Variants in ADGRL3 observed in about 807,000 individuals in gnomAD.
ADGRL3 encodes the protein calcium-independent alpha-latrotoxin receptor 3.
A neutral mutation model predicts 153.5 loss-of-function variants in ADGRL3; 62 were observed. That is an observed-to-expected ratio of 0.40 (90% CI 0.33 to 0.50). ADGRL3 has a LOEUF of 0.50. Among genes scored for constraint, ADGRL3 ranks in the 20% least tolerant of loss-of-function variants. The pLI, the probability that ADGRL3 is intolerant of heterozygous loss-of-function variation, is 0.47. For missense variants in ADGRL3, 1,641 were observed against 1,859.4 expected (o/e 0.88, Z 2.16); for synonymous variants, 710 against 672.5 (o/e 1.06, Z -0.86).
chr4:61,912,244 A>C (rs1045231161), intron 12 of ADGRL3, among the ~76,000 whole-genome samples: 2 of 152,178 alleles, frequency 1.3e-5, no homozygotes, highest in Non-Finnish European at 2.9e-5. Context: ...GTTTTTGTAT[A>C]TATGAAGAAC....
chr4:61,665,133 G>A (rs1043515226), intron 5 of ADGRL3, among the ~76,000 whole-genome samples: 4 of 151,456 alleles, frequency 2.6e-5, no homozygotes, highest in Admixed American at 6.6e-5. Context: ...CAGAACTGCC[G>A]GGCGCGGTGG....
intron 1 of ADGRL3, among the ~76,000 whole-genome samples, chr4:61,360,490 C>G (rs1464755185): frequency 1.3e-5 from 2 of 151,936 alleles, no homozygotes; most frequent in African/African-American, 4.8e-5. Context: ...GTCTTTGGCT[C>G]AAATTTAAAA....
intron 8 of ADGRL3, among the ~76,000 whole-genome samples, chr4:61,748,392 G>A (rs1005307016): frequency 9.9e-5 from 15 of 151,148 alleles, no homozygotes; most frequent in East Asian, 3.9e-4. Context: ...AAAAGAGCCT[G>A]CATTCCCAAG....
chr4:61,338,673 T>C (rs948902764), intron 1 of ADGRL3, among the ~76,000 whole-genome samples: 6 of 152,144 alleles, frequency 3.9e-5, no homozygotes, highest in African/African-American at 1.4e-4. Context: ...AATTTATCCT[T>C]TGTATACTTT....
intron 2 of ADGRL3, among the ~76,000 whole-genome samples, chr4:61,481,068 G>A (rs1490309838): frequency 6.6e-6 from 1 of 151,958 alleles, no homozygotes; most frequent in African/African-American, 2.4e-5. Context: ...TATTGGCCGT[G>A]GTCATGAACA....
At chr4:61,896,397 C>T (rs189637030) in intron 11 of ADGRL3, among the ~76,000 whole-genome samples, 1 of 152,112 alleles carries the variant, frequency 6.6e-6, no homozygotes, top group East Asian at 1.9e-4. Context: ...TGCATTTATG[C>T]CAAAAGGGTT....
intron 4 of ADGRL3, among the ~76,000 whole-genome samples, chr4:61,535,320 AG>A (rs2098648931): frequency 6.6e-6 from 1 of 151,952 alleles, no homozygotes; most frequent in Admixed American, 6.6e-5. Context: ...ATTTTTGGAT[AG>A]GGTGTTGGAT....
intron 1 of ADGRL3, among the ~76,000 whole-genome samples, chr4:61,340,675 A>AT: frequency 6.6e-6 from 1 of 151,938 alleles, no homozygotes; most frequent in Non-Finnish European, 1.5e-5. Flanking sequence ...TATCTGGGAG[A>AT]TTTATGCACA....
At chr4:61,509,220 C>T (rs191563986) in intron 3 of ADGRL3, among the ~76,000 whole-genome samples, 14 of 151,504 alleles carry the variant, frequency 9.2e-5, no homozygotes, top group East Asian at 5.9e-4. Flanking sequence ...CTCCGCCTCC[C>T]GGGTTCAAGT....
intron 1 of ADGRL3, among the ~76,000 whole-genome samples, chr4:61,305,226 C>G (rs1362470042): frequency 6.6e-6 from 1 of 151,760 alleles, no homozygotes; most frequent in African/African-American, 2.4e-5. Flanking sequence ...ACACTATTAT[C>G]ACAACACTTA....
intron 8 of ADGRL3, among the ~76,000 whole-genome samples, chr4:61,809,573 T>G (rs554987064): frequency 6.6e-6 from 1 of 152,236 alleles, no homozygotes; most frequent in South Asian, 2.1e-4. Context: ...TTGAGCACCC[T>G]ATTTAAAATT....
chr4:61,362,872 C>A (rs1189107392), intron 1 of ADGRL3, among the ~76,000 whole-genome samples: 3 of 151,856 alleles, frequency 2.0e-5, no homozygotes, highest in Admixed American at 1.3e-4. Context: ...TGAAAAAAAA[C>A]CTTCTGATCA....
At chr4:61,388,483 G>T (rs1415148899) in intron 2 of ADGRL3, among the ~76,000 whole-genome samples, 1 of 152,156 alleles carries the variant, frequency 6.6e-6, no homozygotes, top group Admixed American at 6.5e-5. Context: ...AGAAGTTTGG[G>T]TTAATGGCTC....
intron 6 of ADGRL3, among the ~76,000 whole-genome samples, chr4:61,704,336 T>C (rs1406557516): frequency 6.6e-6 from 1 of 152,210 alleles, no homozygotes; most frequent in African/African-American, 2.4e-5. Flanking sequence ...AAGAAAATCA[T>C]ATAAATTTTT....
chr4:61,891,186 CG>C (rs1283620369), intron 9 of ADGRL3, among the ~76,000 whole-genome samples: 2 of 145,796 alleles, frequency 1.4e-5, no homozygotes, highest in African/African-American at 5.1e-5. Context: ...GGGAGCTGAA[CG>C]TAGATAGTGA....
chr4:61,745,917 A>G (rs113558848), intron 8 of ADGRL3, among the ~76,000 whole-genome samples: 78 of 152,328 alleles, frequency 5.1e-4, no homozygotes, highest in Non-Finnish European at 1.1e-3. Flanking sequence ...AGACTGGCAA[A>G]TTGGATAAAG....
At chr4:61,472,290 A>C (rs765431388) in intron 2 of ADGRL3, among the ~76,000 whole-genome samples, 8 of 152,140 alleles carry the variant, frequency 5.3e-5, no homozygotes, top group Non-Finnish European at 1.0e-4. Context: ...AGAACTTTAA[A>C]TATGATCTTA....
intron 1 of ADGRL3, among the ~76,000 whole-genome samples, chr4:61,381,168 A>G (rs2151895753): frequency 6.6e-6 from 1 of 152,134 alleles, no homozygotes; most frequent in Non-Finnish European, 1.5e-5. Context: ...GTCCTTACCT[A>G]TAAAAAGAAA....
At chr4:61,529,277 T>G (rs1335349786) in intron 4 of ADGRL3, among the ~76,000 whole-genome samples, 1 of 152,210 alleles carries the variant, frequency 6.6e-6, no homozygotes, top group African/African-American at 2.4e-5. Flanking sequence ...CTATCCAGTA[T>G]GTATATTTAA....
Sources: allele counts gnomAD v4.1 joint callset (sites outside exome capture counted in the v4.1 genomes callset), GRCh38; gene constraint gnomAD v4.1.1; transcripts MANE v1.5; gene names NCBI Gene and HGNC (gene_info 2026-07-23, HGNC 2026-07-21).